Variants in ARHGAP15 observed in about 807,000 individuals in gnomAD.
ARHGAP15 encodes the protein Rho GTPase activating protein 15.
Under a neutral mutation model 63.7 loss-of-function variants are expected in ARHGAP15, and 51 were observed. The ratio of observed to expected loss-of-function variants is 0.80; its 90% CI spans 0.64 to 1.01. The LOEUF (loss-of-function observed/expected upper bound fraction) is 1.01. Among genes scored for constraint, ARHGAP15 ranks in the 50% least tolerant of loss-of-function variants. The pLI, the probability that ARHGAP15 is intolerant of heterozygous loss-of-function variation, is 0.00. For missense variants in ARHGAP15, 560 were observed against 564.6 expected, an observed-to-expected ratio of 0.99 and a Z score of 0.08; for synonymous variants, 191 against 193.8, an observed-to-expected ratio of 0.99 and a Z score of 0.12.
chr2:143,531,815 G>T (rs1011349637), intron 10 of ARHGAP15, among the ~76,000 whole-genome samples: 1 of 152,156 alleles, frequency 6.6e-6, no homozygotes, highest in South Asian at 2.1e-4. Flanking sequence ...ATTACTACCT[G>T]ATACTTCATA....
chr2:143,397,960 T>A (rs528301441), intron 6 of ARHGAP15, among the ~76,000 whole-genome samples: 24 of 152,292 alleles, frequency 1.6e-4, no homozygotes, highest in Admixed American at 1.6e-3. Context: ...AACCTGAGTG[T>A]AGACTCTCAT....
chr2:143,393,726 TAAAAAAAAAAAAAA>T (rs10593584), intron 6 of ARHGAP15, among the ~76,000 whole-genome samples: 6 of 61,468 alleles, frequency 9.8e-5, no homozygotes, highest in East Asian at 5.1e-4. Context: ...AGACTCTGTC[TAAAAAAAAAAAAAA>T]AAAAAAAAAA....
intron 10 of ARHGAP15, among the ~76,000 whole-genome samples, chr2:143,536,548 G>C (rs528290488): frequency 8.1e-6 from 1 of 123,766 alleles, no homozygotes; most frequent in Non-Finnish European, 1.6e-5. Context: ...AACCGTCCCC[G>C]GTGTGTGATG....
At chr2:143,490,956 A>G (rs1692558430) in intron 9 of ARHGAP15, among the ~76,000 whole-genome samples, 1 of 152,192 alleles carries the variant, frequency 6.6e-6, no homozygotes, top group South Asian at 2.1e-4. Flanking sequence ...TAATATGACT[A>G]AAGAGAAGTA....
chr2:143,511,817 A>G (rs35078364), intron 9 of ARHGAP15, among the ~76,000 whole-genome samples: 71,297 of 152,040 alleles, frequency 0.47, 17,129 homozygotes, highest in East Asian at 0.78. Flanking sequence ...TTAGATTTAC[A>G]AATGGAGAGC....
intron 11 of ARHGAP15, among the ~76,000 whole-genome samples, chr2:143,619,862 C>T (rs74887180): frequency 0.029 from 4,443 of 152,250 alleles, 91 homozygotes; most frequent in South Asian, 0.071. Flanking sequence ...GAGGCCTCCC[C>T]AGTTGTTCTT....
chr2:143,444,426 A>T (rs1410382724), intron 8 of ARHGAP15, among the ~76,000 whole-genome samples: 1 of 152,226 alleles, frequency 6.6e-6, no homozygotes, highest in Non-Finnish European at 1.5e-5. Flanking sequence ...GTCACAGCAG[A>T]TTTAAAGAAT....
chr2:143,587,223 C>T (rs1294231146), intron 11 of ARHGAP15, among the ~76,000 whole-genome samples: 1 of 152,184 alleles, frequency 6.6e-6, no homozygotes. Flanking sequence ...AAACCTCTTT[C>T]ATCTGCCATT....
intron 3 of ARHGAP15, among the ~76,000 whole-genome samples, chr2:143,207,266 A>G (rs545865017): frequency 1.3e-5 from 2 of 152,114 alleles, no homozygotes; most frequent in East Asian, 3.9e-4. Context: ...ATCACTAATT[A>G]TAGATAATAT....
At chr2:143,202,381 C>T (rs1467515673) in intron 3 of ARHGAP15, among the ~76,000 whole-genome samples, 179 bp downstream of exon 3, 1 of 152,026 alleles carries the variant, frequency 6.6e-6, no homozygotes, top group Admixed American at 6.6e-5. Flanking sequence ...AAAGCATCAG[C>T]CAGAATTGGG....
intron 6 of ARHGAP15, among the ~76,000 whole-genome samples, chr2:143,251,265 T>A (rs1398332051): frequency 1.3e-5 from 2 of 152,072 alleles, no homozygotes; most frequent in South Asian, 4.1e-4. Flanking sequence ...ATTTTTGTTC[T>A]ATTTTATATG....
At chr2:143,164,419 T>C (rs960399584) in intron 2 of ARHGAP15, among the ~76,000 whole-genome samples, 2 of 152,090 alleles carry the variant, frequency 1.3e-5, no homozygotes, top group Admixed American at 1.3e-4. Flanking sequence ...CCATCTTCTC[T>C]ATATGAAATC....
chr2:143,534,551 GA>G (rs67586398), intron 10 of ARHGAP15, among the ~76,000 whole-genome samples: 124,298 of 151,654 alleles, frequency 0.82, 51,053 homozygotes, highest in South Asian at 0.85. Context: ...AGAATGCCAT[GA>G]AATATTCACG....
At chr2:143,387,833 G>A (rs775720778) in intron 6 of ARHGAP15, among the ~76,000 whole-genome samples, 37 of 148,544 alleles carry the variant, frequency 2.5e-4, no homozygotes, top group Admixed American at 8.4e-4. Flanking sequence ...ACACACACAC[G>A]CATGCAAGCA....
At chr2:143,248,970 G>C (rs1447103660) in intron 5 of ARHGAP15, among the ~76,000 whole-genome samples, 1 of 152,130 alleles carries the variant, frequency 6.6e-6, no homozygotes, top group Non-Finnish European at 1.5e-5. Flanking sequence ...CGTTGGTTCT[G>C]AGTATCCCCT....
At chr2:143,401,479 T>C (rs538124669) in intron 6 of ARHGAP15, among the ~76,000 whole-genome samples, 5 of 152,146 alleles carry the variant, frequency 3.3e-5, no homozygotes, top group African/African-American at 9.6e-5. Flanking sequence ...TGAGAACTTA[T>C]GTACAAAACA....
intron 12 of ARHGAP15, among the ~76,000 whole-genome samples, chr2:143,638,874 C>A (rs1435020542): frequency 2.0e-5 from 3 of 151,902 alleles, no homozygotes; most frequent in East Asian, 3.9e-4. Context: ...ACTTACCATA[C>A]TTTTACTTAC....
At chr2:143,444,338 T>C (rs1179331663) in intron 8 of ARHGAP15, among the ~76,000 whole-genome samples, 1 of 152,332 alleles carries the variant, frequency 6.6e-6, no homozygotes, top group Middle Eastern at 3.4e-3. Context: ...AGTGTCCTTT[T>C]GTTTATTCCA....
intron 10 of ARHGAP15, among the ~76,000 whole-genome samples, chr2:143,528,512 TAATG>T (rs371261222): frequency 2.3e-4 from 35 of 152,210 alleles, no homozygotes; most frequent in African/African-American, 7.7e-4. Context: ...AATTTGAAGT[TAATG>T]AAGACAGAAT....
Sources: allele counts gnomAD v4.1 joint callset (sites outside exome capture counted in the v4.1 genomes callset), GRCh38; gene constraint gnomAD v4.1.1; transcripts MANE v1.5; gene names NCBI Gene and HGNC (gene_info 2026-07-23, HGNC 2026-07-21).